Variants in DLC1 observed in about 807,000 individuals in gnomAD.
DLC1 encodes rho GTPase-activating protein 7.
Under a neutral mutation model 140.3 loss-of-function variants are expected in DLC1, and 54 were observed. The observed-to-expected ratio is 0.38, with a 90% CI of 0.31 to 0.48. DLC1 has a LOEUF of 0.48. Ranked by LOEUF, DLC1 falls within the 20% of genes least tolerant of loss-of-function variation. DLC1 has a pLI of 0.96. For missense variants in DLC1, 2,536 were observed against 1,907.0 expected, an observed-to-expected ratio of 1.33 and a Z score of -6.14; for synonymous variants, 986 against 728.1, an observed-to-expected ratio of 1.35 and a Z score of -5.70.
upstream of DLC1, among the ~76,000 whole-genome samples, chr8:13,518,582 C>T (rs1255040391): frequency 6.6e-6 from 1 of 152,160 alleles, no homozygotes; most frequent in Non-Finnish European, 1.5e-5. Context: ...AAGATCTATC[C>T]TTTGAAAATA....
intron 5 of DLC1, among the ~76,000 whole-genome samples, chr8:13,245,092 G>T (rs569205198): frequency 1.3e-5 from 2 of 152,206 alleles, no homozygotes; most frequent in African/African-American, 4.8e-5. Flanking sequence ...TTAGGTCAAA[G>T]AAGTGATGCC....
At chr8:13,414,045 C>A (rs962449475) in intron 2 of DLC1, among the ~76,000 whole-genome samples, 41 of 152,096 alleles carry the variant, frequency 2.7e-4, no homozygotes, top group African/African-American at 9.6e-4. Context: ...AACAAAAACA[C>A]AAAAAAATTA....
intron 4 of DLC1, among the ~76,000 whole-genome samples, chr8:13,346,671 G>A (rs922239747): frequency 6.6e-6 from 1 of 152,338 alleles, no homozygotes; most frequent in Middle Eastern, 3.4e-3. Context: ...CCGGGGATGT[G>A]TCCAGAGAAA....
chr8:13,166,088 C>G (rs1191768971), intron 5 of DLC1, among the ~76,000 whole-genome samples: 1 of 152,186 alleles, frequency 6.6e-6, no homozygotes, highest in Non-Finnish European at 1.5e-5. Context: ...ATCTTTCCTC[C>G]TGGTGTTTCC....
chr8:13,527,789 A>T (rs1218021240), intron 1 of DLC1, among the ~76,000 whole-genome samples: 1 of 152,192 alleles, frequency 6.6e-6, no homozygotes, highest in Non-Finnish European at 1.5e-5. Flanking sequence ...GGTATGAAAC[A>T]GCATCTATTA....
intron 5 of DLC1, among the ~76,000 whole-genome samples, chr8:13,135,436 C>A (rs1822490736): frequency 6.6e-6 from 1 of 152,098 alleles, no homozygotes; most frequent in Admixed American, 6.5e-5. Flanking sequence ...CTACCTCAGC[C>A]TCCCAAAGTG....
At chr8:13,546,898 C>A (rs1250533008) in intron 1 of DLC1, among the ~76,000 whole-genome samples, 1 of 152,042 alleles carries the variant, frequency 6.6e-6, no homozygotes, top group Non-Finnish European at 1.5e-5. Flanking sequence ...CTGAAGTAGA[C>A]ATTTTATGTA....
chr8:13,463,845 A>G (rs1026848), intron 2 of DLC1, among the ~76,000 whole-genome samples: 147,161 of 152,244 alleles, frequency 0.97, 71,343 homozygotes, highest in East Asian at 1. Context: ...GGAGAGAGTA[A>G]AAGTTCTTTT....
chr8:13,547,910 T>A lies in DLC1; in HGVS notation c.-125-47714A>T, dbSNP rs533747301. On this transcript the variant is annotated intron_variant, in intron 1 of 1. Coordinates refer to the DLC1 transcript ENST00000631382. ...CTTGGAATCTCTCTTTTTTCTTGTC[T>A]TCCGGATGAAATTGCTTCATCTTCA... is the stretch of plus-strand genomic sequence containing the variant. Among the ~76,000 whole-genome samples the A allele has an allele frequency of 1.7e-3, 262 of 152,094 alleles. 1 individual carries two copies. The highest frequency in any genetic ancestry group is 6.1e-3 in the African/African-American group (252 of 41,524).
chr8:13,100,312 C>T lies in DLC1; in HGVS notation c.2025G>A (p.Lys675=), dbSNP rs757789420. 1.6e-5 allele frequency: 26 copies of T among 1,614,076 alleles called. No individual in the cohort carries two copies. The Admixed American group carries it at 3.0e-4, about 19-fold the overall frequency. Residue 675 remains lysine (K), a synonymous_variant, in exon 9 of 18, where the codon AAG becomes AAA. Coordinates refer to ENST00000276297, the MANE Select transcript of DLC1 (RefSeq NM_182643.3). ...RSLLKRMESL[K]LKSSHHSKHK... ...GCTTGCTGTGATGGGAGCTCTTGAG[C>T]TTCAGGCTCTCCATCCGTTTCAGCA...
chr8:13,411,305 A>T (rs1837768859), intron 2 of DLC1, among the ~76,000 whole-genome samples: 1 of 152,232 alleles, frequency 6.6e-6, no homozygotes, highest in South Asian at 2.1e-4. Flanking sequence ...GAAAGAAGTC[A>T]GTCTGACGAG....
At chr8:13,533,400 G>A (rs1481446254) in intron 1 of DLC1, among the ~76,000 whole-genome samples, 1 of 152,066 alleles carries the variant, frequency 6.6e-6, no homozygotes, top group Non-Finnish European at 1.5e-5. Flanking sequence ...TATATCTGTG[G>A]TTTCAGGCAA....
At chr8:13,319,285 C>G (rs1832988365) in intron 4 of DLC1, among the ~76,000 whole-genome samples, 1 of 152,136 alleles carries the variant, frequency 6.6e-6, no homozygotes, top group South Asian at 2.1e-4. Flanking sequence ...ATTAAGATCC[C>G]ATTTTCGCCT....
intron 5 of DLC1, among the ~76,000 whole-genome samples, chr8:13,283,302 A>T (rs1831429298): frequency 6.6e-6 from 1 of 151,362 alleles, no homozygotes; most frequent in African/African-American, 2.4e-5. Context: ...AAACACACAC[A>T]CACACACACA....
rs1407731153 is a variant in DLC1, at chr8:13,500,164, C to G, written c.-93G>C. The G allele has an allele frequency of 2.5e-6, 3 of 1,185,776 alleles. No homozygotes were observed. The East Asian group carries it at 7.1e-5, about 28-fold the overall frequency. The allele number at this position is 1,185,776 out of a possible 1,614,324, so 73.5% of individuals were successfully genotyped here. On this transcript the variant is annotated 5_prime_UTR_variant, in exon 2 of 18. Transcript: ENST00000276297. ...GAAAGATTATTTCAAAATCACCAAT[C>G]AAAGAAGCGAATGAGTTCTGTCATT...
At chr8:13,595,243 GA>G (rs1805646166) in intron 1 of DLC1, among the ~76,000 whole-genome samples, 1 of 151,882 alleles carries the variant, frequency 6.6e-6, no homozygotes, top group South Asian at 2.1e-4. Flanking sequence ...AAATCACAAG[GA>G]TTTTTTTTAG....
Position 13,557,340 on chromosome 8 carries a change from T to C in DLC1, c.-126+47197A>G, listed in dbSNP as rs188121387. On this transcript the variant is annotated intron_variant, in intron 1 of 1. Transcript: ENST00000631382. ...GGGCCAGTGTCTCAGCTGTGCTTCA[T>C]TGGGGTTACAGTCTGGGTAATTATT... 1.4e-4 allele frequency among the ~76,000 whole-genome samples: 22 copies of C among 152,282 alleles called. No individual in the cohort carries two copies. In the East Asian group the frequency reaches 3.9e-3, roughly 27 times the overall value.
intron 5 of DLC1, among the ~76,000 whole-genome samples, chr8:13,159,332 T>G (rs886933795): frequency 3.0e-4 from 46 of 152,150 alleles, no homozygotes; most frequent in African/African-American, 1.1e-3. Flanking sequence ...ATTGCCCTTG[T>G]TAGGCAGTGG....
intron 1 of DLC1, among the ~76,000 whole-genome samples, chr8:13,540,679 A>G (rs34646568): frequency 0.024 from 3,634 of 152,302 alleles, 63 homozygotes; most frequent in Non-Finnish European, 0.036. Flanking sequence ...GAAGTATGGC[A>G]CTAATTATTT....
Sources: gnomAD v4.1 joint callset for allele counts (sites outside exome capture counted in the v4.1 genomes callset) on GRCh38, gnomAD v4.1.1 for gene constraint, MANE v1.5 for transcripts, NCBI Gene and HGNC (gene_info 2026-07-23, HGNC 2026-07-21) for gene names.